The following LDB3 variants were observed in gnomAD, a reference collection of about 807,000 sequenced individuals.
LDB3 encodes LIM domain binding 3.
In LDB3, 49 loss-of-function variants were observed where a neutral mutation model predicts 69.0. The observed-to-expected ratio is 0.71, with a 90% CI of 0.56 to 0.90. The LOEUF (loss-of-function observed/expected upper bound fraction) is 0.90, where lower values mean the gene tolerates loss of function less well. LDB3 is among the 40% of genes least tolerant of loss of function. The pLI is 0.00. For synonymous variants in LDB3, 387 were observed against 396.2 expected (o/e 0.98, Z 0.28); for missense variants, 928 against 974.1 (o/e 0.95, Z 0.63).
intron 9 of LDB3, 112 bp downstream of exon 9, chr10:86,710,162 GCCTTGCTA>G: frequency 6.5e-7 from 1 of 1,540,880 alleles, no homozygotes; most frequent in East Asian, 2.4e-5. Context: ...GGGAAGCAAG[GCCTTGCTA>G]ATGATGCTCC....
Position 86,733,284 on chromosome 10 carries a change from C to G in LDB3, c.*308C>G, listed in dbSNP as rs1393604121. The G allele has an allele frequency of 5.4e-6, 2 of 373,058 alleles. No individual in the cohort carries two copies. The highest frequency in any genetic ancestry group is 4.2e-5 in the African/African-American group (2 of 47,680). The allele number at this position is 373,058 out of a possible 1,614,324, so 23.1% of individuals were successfully genotyped here. A position where few individuals can be genotyped will look rare whatever the true frequency, so the allele number is the denominator to read the frequency against. ...AAAGCAACAAGCAGCTTTCCCAAAG[C>G]GATACACTTGCTTTGGTCACCAGAG... is the stretch of plus-strand genomic sequence containing the variant. On this transcript the variant is annotated 3_prime_UTR_variant, in exon 14 of 14. Transcript: ENST00000361373.
chr10:86,715,889 T>G (rs2132480258), intron 9 of LDB3, among the ~76,000 whole-genome samples: 1 of 152,278 alleles, frequency 6.6e-6, no homozygotes, highest in East Asian at 1.9e-4. Context: ...TCAGCAAACT[T>G]ATGCCAAGGG....
At chr10:86,703,261 C>A (rs977654356) in intron 7 of LDB3, among the ~76,000 whole-genome samples, 2 of 152,186 alleles carry the variant, frequency 1.3e-5, no homozygotes, top group Non-Finnish European at 2.9e-5. Context: ...CAGCCTGAGC[C>A]GTCCCAGGCC....
chr10:86,728,586 G>GGTTTTTTTTTTTGTTT (rs1554868913), intron 13 of LDB3, among the ~76,000 whole-genome samples: 1 of 131,456 alleles, frequency 7.6e-6, no homozygotes, highest in Admixed American at 7.8e-5. Flanking sequence ...TGGTTCTTTT[G>GGTTTTTTTTTTTGTTT]TTTTTTTTTT....
At chr10:86,666,959 C>A, upstream of LDB3, 1 of 430,036 alleles carries the variant, frequency 2.3e-6, no homozygotes, top group Non-Finnish European at 4.8e-6. Flanking sequence ...ACAAACACCC[C>A]TAGGAAAGGG....
At chr10:86,672,590 T>C (rs1357175217) in intron 2 of LDB3, among the ~76,000 whole-genome samples, 6 of 152,014 alleles carry the variant, frequency 3.9e-5, no homozygotes, top group Non-Finnish European at 7.4e-5. Flanking sequence ...CAGGCAAGCC[T>C]CCGAGGGCTT....
chr10:86,699,463 T>C lies in LDB3; in HGVS notation c.896+6892T>C. 1 of 1,599,518 alleles carries C rather than the reference T, an allele frequency of 6.3e-7. No homozygotes were observed. Among genetic ancestry groups the C allele is most frequent in the Non-Finnish European group, 8.5e-7 (1 of 1,174,604 alleles). On this transcript the variant is annotated intron_variant, in intron 7 of 13. Coordinates refer to ENST00000361373, the MANE Select transcript of LDB3 (RefSeq NM_007078.3). The surrounding 1 kb of genome is among the most constrained non-coding windows in gnomAD (Gnocchi z 4.9). ...ATCTGGCATGTGAGCCCCACGGTGA[T>C]GCTTGACAATGTATAACTCTGCTGG...
Position 86,718,808 on chromosome 10 carries a change from C to G in LDB3, c.1939C>G (p.Leu647Val), listed in dbSNP as rs1369447812. Residue 647 changes from leucine (L) to valine (V), a missense_variant, in exon 12 of 14, where the codon CTC becomes GTC. Leu to Val is a conservative substitution (Grantham distance 32). Transcript: ENST00000361373. ...AACKKPFGNS[L>V]FHMEDGEPYC... The stretch of plus-strand genomic sequence containing the variant: ...CTGCAAGAAGCCTTTTGGGAACAGC[C>G]TCTTCCACATGGAAGACGGGGAGCC... 2 of 1,614,178 alleles carry G rather than the reference C, an allele frequency of 1.2e-6. No homozygotes were observed. The highest frequency in any genetic ancestry group is 1.6e-4 in the Middle Eastern group (1 of 6,062).
At chr10:86,678,334 G>A (rs956480992) in intron 2 of LDB3, among the ~76,000 whole-genome samples, 1 of 142,040 alleles carries the variant, frequency 7.0e-6, no homozygotes, top group African/African-American at 2.7e-5. Context: ...ACCACACCTG[G>A]CCACCCTTTT....
chr10:86,682,236 C>G (rs4933404), intron 5 of LDB3, among the ~76,000 whole-genome samples: 1 of 151,872 alleles, frequency 6.6e-6, no homozygotes, highest in African/African-American at 2.4e-5. Flanking sequence ...GGGGAGCGTT[C>G]GAGAGGTGGA....
intron 5 of LDB3, among the ~76,000 whole-genome samples, chr10:86,686,180 G>C (rs959442123): frequency 6.6e-6 from 1 of 152,178 alleles, no homozygotes; most frequent in Non-Finnish European, 1.5e-5. Context: ...GGGGGCCTGG[G>C]CAGCTGGAGC....
chr10:86,706,455 C>A lies in LDB3; in HGVS notation c.897-76C>A, dbSNP rs573220982. 4.1e-5 allele frequency: 61 copies of A among 1,502,158 alleles called. No homozygotes were observed. The East Asian group carries it at 1.4e-3, about 34-fold the overall frequency. 93.1% of individuals were successfully genotyped at this position (1,502,158 alleles called of 1,614,324 possible). On this transcript the variant is annotated intron_variant, in intron 7 of 13. Transcript: ENST00000361373. ...CCCAGCCTGCCTCTGCTGCAGCCAC[C>A]TGCCCCCATGCAGAGGGGCCTCACA...
intron 8 of LDB3, among the ~76,000 whole-genome samples, chr10:86,708,485 C>T (rs1367984271): frequency 6.6e-6 from 1 of 152,124 alleles, no homozygotes; most frequent in Non-Finnish European, 1.5e-5. Context: ...AGCTCCTGGG[C>T]TGTGGGCAAA....
intron 13 of LDB3, chr10:86,726,457 C>A: frequency 1.6e-6 from 1 of 606,158 alleles, no homozygotes; most frequent in Non-Finnish European, 3.0e-6. Flanking sequence ...ACCAATGTGG[C>A]TTTGTTACTT....
At chr10:86,677,821 C>T (rs753422679) in intron 2 of LDB3, among the ~76,000 whole-genome samples, 6 of 152,218 alleles carry the variant, frequency 3.9e-5, no homozygotes, top group Admixed American at 6.5e-5. Flanking sequence ...ACCTCACTCT[C>T]TCCACATCTG....
chr10:86,687,103 C>T, intron 5 of LDB3: 1 of 1,614,156 alleles, frequency 6.2e-7, no homozygotes, highest in African/African-American at 1.3e-5. Context: ...CCCCAGTGCC[C>T]TGAAGGACTC....
At chr10:86,696,296 A>C (rs1263337991) in intron 7 of LDB3, among the ~76,000 whole-genome samples, 1 of 151,768 alleles carries the variant, frequency 6.6e-6, no homozygotes, top group East Asian at 1.9e-4. Flanking sequence ...GCCCCTTGTA[A>C]GAAAGCAATG....
At chr10:86,711,641 G>GGCCGCA (rs1846670764) in intron 9 of LDB3, among the ~76,000 whole-genome samples, 2 of 151,728 alleles carry the variant, frequency 1.3e-5, no homozygotes, top group Non-Finnish European at 2.9e-5. Context: ...GGAGCGCCGC[G>GGCCGCA]GCCGCAGCCG....
At chr10:86,673,400 G>C (rs950587411) in intron 2 of LDB3, among the ~76,000 whole-genome samples, 4 of 152,216 alleles carry the variant, frequency 2.6e-5, no homozygotes, top group Admixed American at 6.5e-5. Flanking sequence ...GGCAGTGGGG[G>C]CAGGATGTGT....
Sources: allele counts gnomAD v4.1 joint callset (sites outside exome capture counted in the v4.1 genomes callset), GRCh38; gene constraint gnomAD v4.1.1; non-coding constraint Gnocchi (gnomAD v3.1); transcripts MANE v1.5; gene names NCBI Gene and HGNC (gene_info 2026-07-23, HGNC 2026-07-21).